The following ADAM12 variants were observed in gnomAD, a reference collection of about 807,000 sequenced individuals.
ADAM12 encodes the protein ADAM metallopeptidase domain 12.
Under a neutral mutation model 106.4 loss-of-function variants are expected in ADAM12, and 70 were observed. The observed-to-expected ratio is 0.66, with a 90% CI of 0.54 to 0.80. The LOEUF (loss-of-function observed/expected upper bound fraction) is 0.80, where lower values mean the gene tolerates loss of function less well. Ranked by LOEUF, ADAM12 falls within the 30% of genes least tolerant of loss-of-function variation. The pLI, the probability that ADAM12 is intolerant of heterozygous loss-of-function variation, is 0.00. For missense variants in ADAM12, 1,010 were observed against 1,171.9 expected (o/e 0.86, Z 2.02); for synonymous variants, 420 against 433.5 (o/e 0.97, Z 0.39).
At position 126,340,662 on chromosome 10, in the gene ADAM12, A is replaced by T. The variant is rs141349782; in HGVS notation, c.89-10153T>A. Among the ~76,000 whole-genome samples, 37 of 151,196 alleles carry T rather than the reference A, an allele frequency of 2.4e-4. No homozygotes were observed. In the East Asian group the frequency reaches 6.8e-3, roughly 28 times the overall value. ...CCATCTTCCTCTCTCTACTGCCACC[A>T]TACTGACCAGCCTCCTGACCCCTTA... On this transcript the variant is annotated intron_variant, in intron 1 of 22. Coordinates refer to ENST00000448723, the MANE Select transcript of ADAM12 (RefSeq NM_001288973.2).
Position 126,028,185 on chromosome 10 carries a change from TAAAC to T in ADAM12, c.2529+7957_2529+7960del, listed in dbSNP as rs368525665. Among the ~76,000 whole-genome samples the T allele has an allele frequency of 5.7e-4, 86 of 152,158 alleles. No individual in the cohort carries two copies. The South Asian group carries it at 8.5e-3, about 15-fold the overall frequency. ...CACTGCTCAAAGAAATCAGAGGACA[TAAAC>T]AAATGGAAAAGCATTCCATGCTTAT... On this transcript the variant is annotated intron_variant, in intron 21 of 22. Transcript: ENST00000448723.
At chr10:126,364,249 C>A (rs560539658) in intron 1 of ADAM12, among the ~76,000 whole-genome samples, 95 of 152,026 alleles carry the variant, frequency 6.2e-4, no homozygotes, top group Non-Finnish European at 1.1e-3. Context: ...ATATCAGGAG[C>A]CTTCCATTAA....
chr10:126,269,084 T>C (rs1260938999), intron 3 of ADAM12, among the ~76,000 whole-genome samples: 3 of 152,240 alleles, frequency 2.0e-5, no homozygotes, highest in African/African-American at 7.2e-5. Flanking sequence ...CTCCCCTTTT[T>C]AGACCATATA....
Position 126,017,143 on chromosome 10 carries a change from C to T in ADAM12, c.*136G>A. ...CCATAGCACAGCACAGCACTGACGG[C>T]AGTAGCTCAAAGTTCTTATAGTAAT... On this transcript the variant is annotated 3_prime_UTR_variant, in exon 23 of 23. Coordinates refer to ENST00000448723, the MANE Select transcript of ADAM12 (RefSeq NM_001288973.2). 1.4e-6 allele frequency: 1 copy of T among 737,062 alleles called. No homozygotes were observed. Among genetic ancestry groups the T allele is most frequent in the Non-Finnish European group, 2.3e-6 (1 of 444,142 alleles). 45.7% of individuals were successfully genotyped at this position (737,062 alleles called of 1,614,324 possible). A position where few individuals can be genotyped will look rare whatever the true frequency, so the allele number is the denominator to read the frequency against.
rs1451533897 is a variant in ADAM12 at position 126,014,885 on chromosome 10, G to C, written c.*2394C>G. On this transcript the variant is annotated 3_prime_UTR_variant, in exon 23 of 23. Transcript: ENST00000448723. ...TATAAGTATTGATTTTTTTTGTTTT[G>C]AGGATATAAAAAAGAATACTCCACC... 6.6e-6 allele frequency: 1 copy of C among 150,698 alleles called. No homozygotes were observed. 9.3% of individuals were successfully genotyped at this position (150,698 alleles called of 1,614,324 possible). A position where few individuals can be genotyped will look rare whatever the true frequency, so the allele number is the denominator to read the frequency against.
At chr10:126,044,280 A>G (rs189800053) in intron 17 of ADAM12, among the ~76,000 whole-genome samples, 41 of 148,600 alleles carry the variant, frequency 2.8e-4, no homozygotes, top group African/African-American at 1.0e-3. Flanking sequence ...TATAAAGATA[A>G]AAAAAAAAAA....
At chr10:126,278,048 C>T (rs984820156) in intron 3 of ADAM12, among the ~76,000 whole-genome samples, 9 of 152,276 alleles carry the variant, frequency 5.9e-5, no homozygotes, top group Admixed American at 5.9e-4. Flanking sequence ...GGCCTGCGAC[C>T]TCTACTCTTG....
At chr10:126,155,326 C>T in intron 3 of ADAM12, 21 bp from the exon 4 acceptor site, 1 of 1,606,822 alleles carries the variant, frequency 6.2e-7, no homozygotes, top group Non-Finnish European at 8.5e-7. Context: ...ACAAAAACAC[C>T]ATAAAAAGAT....
chr10:126,265,595 C>T (rs1307184829), intron 3 of ADAM12, among the ~76,000 whole-genome samples: 2 of 152,150 alleles, frequency 1.3e-5, no homozygotes, highest in Non-Finnish European at 2.9e-5. Flanking sequence ...AAAACCAGTA[C>T]CTCAATCTGC....
At chr10:126,326,684 G>A (rs1392976145) in intron 2 of ADAM12, among the ~76,000 whole-genome samples, 2 of 152,060 alleles carry the variant, frequency 1.3e-5, no homozygotes, top group Admixed American at 6.5e-5. Context: ...TCACTTGCAC[G>A]TCCTGCTCCA....
At chr10:126,370,327 G>A (rs1324652419) in intron 1 of ADAM12, among the ~76,000 whole-genome samples, 22 of 152,218 alleles carry the variant, frequency 1.4e-4, no homozygotes, top group Non-Finnish European at 3.2e-4. Flanking sequence ...ACTCATGCAT[G>A]TGCATTTATC....
chr10:126,226,497 A>G (rs146977919), intron 3 of ADAM12, among the ~76,000 whole-genome samples: 2,653 of 152,294 alleles, frequency 0.017, 77 homozygotes, highest in African/African-American at 0.057. Flanking sequence ...ATGTCATCAC[A>G]AGAGGACTGG....
chr10:126,254,987 GC>G (rs1438692186), intron 3 of ADAM12, among the ~76,000 whole-genome samples: 2 of 152,134 alleles, frequency 1.3e-5, no homozygotes, highest in African/African-American at 4.8e-5. Flanking sequence ...GCCATAGTTC[GC>G]CCCGGTCACC....
chr10:126,059,957 G>C (rs1954716480), intron 14 of ADAM12, among the ~76,000 whole-genome samples: 1 of 148,568 alleles, frequency 6.7e-6, no homozygotes, highest in South Asian at 2.3e-4. Flanking sequence ...ACTAAACTGG[G>C]CAAAGAGAGC....
intron 11 of ADAM12, among the ~76,000 whole-genome samples, chr10:126,087,772 T>A (rs189036054): frequency 4.1e-4 from 62 of 152,368 alleles, no homozygotes; most frequent in Admixed American, 4.1e-3. Context: ...TCCCGCTACA[T>A]TGAATTTCTA....
At chr10:126,280,226 GA>G (rs1004214356) in intron 2 of ADAM12, among the ~76,000 whole-genome samples, 14 of 150,764 alleles carry the variant, frequency 9.3e-5, no homozygotes, top group African/African-American at 2.9e-4. Context: ...TGAGTTTTGG[GA>G]AAAAAAAATG....
At chr10:126,156,879 A>G (rs1956826378) in intron 3 of ADAM12, among the ~76,000 whole-genome samples, 4 of 152,234 alleles carry the variant, frequency 2.6e-5, no homozygotes. Flanking sequence ...GGCTCTAAAC[A>G]GAACCTGGGT....
At chr10:126,277,001 A>G (rs1959283320) in intron 3 of ADAM12, among the ~76,000 whole-genome samples, 1 of 152,198 alleles carries the variant, frequency 6.6e-6, no homozygotes, top group Admixed American at 6.5e-5. Flanking sequence ...GAAATTATTT[A>G]TCTATGGAAA....
rs560434285 is a variant in ADAM12 at position 126,292,774 on chromosome 10, T to C, written c.187-13786A>G. Among the ~76,000 whole-genome samples, 17 of 152,394 alleles carry C rather than the reference T, an allele frequency of 1.1e-4. 1 individual carries two copies. The East Asian group carries it at 1.7e-3, about 16-fold the overall frequency. On this transcript the variant is annotated intron_variant, in intron 2 of 22. Transcript: ENST00000448723. ...CTGTGTTCCAGTCAAACTTTATTGA[T>C]GTACACCAAAATTTGAATTTCCCAT...
Sources: allele counts gnomAD v4.1 joint callset (sites outside exome capture counted in the v4.1 genomes callset), GRCh38; gene constraint gnomAD v4.1.1; transcripts MANE v1.5; gene names NCBI Gene and HGNC (gene_info 2026-07-23, HGNC 2026-07-21).